EDARADD: variants seen among roughly 807,000 people sequenced by gnomAD.
The protein encoded by EDARADD is EDAR associated via death domain.
A neutral mutation model predicts 25.6 loss-of-function variants in EDARADD; 20 were observed. The ratio of observed to expected loss-of-function variants is 0.78; its 90% CI spans 0.55 to 1.14. The LOEUF (loss-of-function observed/expected upper bound fraction) is 1.14, where lower values mean the gene tolerates loss of function less well. Among genes scored for constraint, EDARADD ranks in the 50% most tolerant of loss-of-function variants. The pLI, the probability that EDARADD is intolerant of heterozygous loss-of-function variation, is 0.00. For missense variants in EDARADD, 225 were observed against 270.1 expected, an observed-to-expected ratio of 0.83 and a Z score of 1.17; for synonymous variants, 86 against 94.4, an observed-to-expected ratio of 0.91 and a Z score of 0.52.
intron 3 of EDARADD, among the ~76,000 whole-genome samples, chr1:236,357,954 C>T (rs568192120): frequency 6.6e-6 from 1 of 151,734 alleles, no homozygotes; most frequent in South Asian, 2.1e-4. Context: ...CTCACTGCAA[C>T]CTCTGCCCCT....
intron 3 of EDARADD, among the ~76,000 whole-genome samples, chr1:236,415,524 C>T (rs1424752626): frequency 6.6e-6 from 1 of 152,172 alleles, no homozygotes; most frequent in Non-Finnish European, 1.5e-5. Context: ...TGGCTCACTG[C>T]AACCTCTGCC....
chr1:236,421,169 A>G (rs1207914844), intron 3 of EDARADD, among the ~76,000 whole-genome samples: 2 of 147,546 alleles, frequency 1.4e-5, no homozygotes, highest in Middle Eastern at 3.6e-3. Flanking sequence ...TGAGTCATGT[A>G]TACTCAGTCC....
At chr1:236,480,135 A>ATATATATATATATATATC (rs1257964139) in intron 5 of EDARADD, among the ~76,000 whole-genome samples, 1 of 135,512 alleles carries the variant, frequency 7.4e-6, no homozygotes, top group Non-Finnish European at 1.6e-5. Flanking sequence ...ATATATATAT[A>ATATATATATATATATATC]TCACATTTTC....
intron 4 of EDARADD, among the ~76,000 whole-genome samples, chr1:236,461,011 G>A (rs1211393126): frequency 2.6e-5 from 4 of 151,984 alleles, no homozygotes; most frequent in Non-Finnish European, 4.4e-5. Context: ...TAGTAAAGAC[G>A]GGGTTTCATC....
At chr1:236,412,047 A>G (rs1012829286) in intron 2 of EDARADD, among the ~76,000 whole-genome samples, 2 of 152,192 alleles carry the variant, frequency 1.3e-5, no homozygotes, top group African/African-American at 2.4e-5. Flanking sequence ...AGGATTTAGT[A>G]TATACCCCTT....
intron 3 of EDARADD, among the ~76,000 whole-genome samples, chr1:236,425,510 G>C (rs1657892520): frequency 6.6e-6 from 1 of 152,040 alleles, no homozygotes; most frequent in Non-Finnish European, 1.5e-5. Flanking sequence ...GGCTGACCTG[G>C]GGATGCACTT....
rs544552694 is a variant in EDARADD, at chr1:236,376,932, T to G, written c.-6+26093T>G. ...AACATATCCTCAAGCTCAGAGGAGA[T>G]TTTTTCCTCAGCCATGTCCAGTCTA... On this transcript the variant is annotated intron_variant, in intron 3 of 7. Coordinates refer to the EDARADD transcript ENST00000439430. Among the ~76,000 whole-genome samples the G allele has an allele frequency of 1.4e-4, 22 of 152,072 alleles. 1 individual carries two copies. In the South Asian group the frequency reaches 4.4e-3, roughly 30 times the overall value.
chr1:236,352,997 A>C (rs612944), intron 3 of EDARADD, among the ~76,000 whole-genome samples: 52,107 of 150,236 alleles, frequency 0.35, 9,225 homozygotes, highest in African/African-American at 0.44. Context: ...GCAACAGAGC[A>C]AGACTCCGTC....
intron 4 of EDARADD, among the ~76,000 whole-genome samples, chr1:236,436,645 G>GT (rs1378328451): frequency 9.2e-6 from 1 of 108,878 alleles, no homozygotes; most frequent in Non-Finnish European, 2.2e-5. Flanking sequence ...AAAAAAAAAA[G>GT]TAAGAACCTT....
At chr1:236,407,924 TA>T (rs1314528657) in intron 1 of EDARADD, among the ~76,000 whole-genome samples, 5 of 152,332 alleles carry the variant, frequency 3.3e-5, no homozygotes, top group African/African-American at 4.8e-5. Flanking sequence ...TTATTTTTGA[TA>T]AAAAACTATG....
intron 3 of EDARADD, among the ~76,000 whole-genome samples, chr1:236,361,318 T>A (rs1667045285): frequency 6.6e-6 from 1 of 151,912 alleles, no homozygotes; most frequent in South Asian, 2.1e-4. Flanking sequence ...TATTTTATTT[T>A]ATATTTAATT....
chr1:236,348,448 C>T (rs573857572), intron 1 of EDARADD, among the ~76,000 whole-genome samples: 27 of 152,366 alleles, frequency 1.8e-4, no homozygotes, highest in African/African-American at 6.0e-4. Context: ...GCTGGGCGCG[C>T]TCTTCTTGGC....
At chr1:236,479,773 C>T (rs2103041135) in intron 5 of EDARADD, among the ~76,000 whole-genome samples, 1 of 151,578 alleles carries the variant, frequency 6.6e-6, no homozygotes, top group Non-Finnish European at 1.5e-5. Flanking sequence ...TGGCTGGGCA[C>T]AGTGGCTTCT....
chr1:236,467,428 A>ACC (rs1659231961), intron 4 of EDARADD, among the ~76,000 whole-genome samples: 1 of 132,984 alleles, frequency 7.5e-6, no homozygotes, highest in Non-Finnish European at 1.6e-5. Flanking sequence ...ACACACGCGC[A>ACC]CACACACACA....
At chr1:236,410,967 T>C (rs630891) in intron 2 of EDARADD, among the ~76,000 whole-genome samples, 99,103 of 151,972 alleles carry the variant, frequency 0.65, 32,784 homozygotes, top group Non-Finnish European at 0.7. Flanking sequence ...ATGGCTTATA[T>C]GTCTCTGGAG....
At position 236,464,441 on chromosome 1, in the gene EDARADD, T is replaced by TTTTTC. The variant is rs1558133562; in HGVS notation, c.220-3786_220-3785insCTTTT. On this transcript the variant is annotated intron_variant, in intron 4 of 5. Coordinates refer to ENST00000334232, the MANE Select transcript of EDARADD (RefSeq NM_145861.4). ...GCTGCAACTTTTTTTTTTTTTTTTT[T>TTTTTC]TTTTTTTTTGAGACAGAATCTCGCT... Among the ~76,000 whole-genome samples the TTTTTC allele has an allele frequency of 6.3e-5, 8 of 126,344 alleles. 1 individual carries two copies. The highest frequency in any genetic ancestry group is 2.5e-4 in the East Asian group (1 of 4,008). 82.9% of individuals were successfully genotyped at this position (126,344 alleles called of 152,430 possible).
chr1:236,405,725 TTTTC>T (rs1227603633), intron 1 of EDARADD, among the ~76,000 whole-genome samples: 5,315 of 120,432 alleles, frequency 0.044, 204 homozygotes, highest in East Asian at 0.086. Context: ...CTTCCTTTCT[TTTTC>T]TTTCTTTCTT....
chr1:236,373,548 T>G (rs1265694170), intron 3 of EDARADD, among the ~76,000 whole-genome samples: 2 of 152,234 alleles, frequency 1.3e-5, no homozygotes. Flanking sequence ...TCTTCTTTCT[T>G]TTTCTAGGTT....
chr1:236,413,149 C>T (rs1657542359), intron 2 of EDARADD, among the ~76,000 whole-genome samples: 1 of 152,236 alleles, frequency 6.6e-6, no homozygotes, highest in Non-Finnish European at 1.5e-5. Flanking sequence ...CAGGCGTGAG[C>T]CACCGCACCC....
Sources: allele counts gnomAD v4.1 joint callset (sites outside exome capture counted in the v4.1 genomes callset), GRCh38; gene constraint gnomAD v4.1.1; transcripts MANE v1.5; gene names NCBI Gene and HGNC (gene_info 2026-07-23, HGNC 2026-07-21).